The following RORB variants were observed in gnomAD, a reference collection of about 807,000 sequenced individuals.
RORB encodes the protein nuclear receptor ROR-beta.
In RORB, 6 loss-of-function variants were observed where a neutral mutation model predicts 59.1. The observed-to-expected ratio is 0.10, with a 90% confidence interval of 0.06 to 0.20. RORB has a LOEUF of 0.20. RORB is among the 10% of genes least tolerant of loss of function. The pLI is 1.00. For missense variants in RORB, 320 were observed against 560.5 expected, an observed-to-expected ratio of 0.57 and a Z score of 4.33; for synonymous variants, 215 against 204.5, an observed-to-expected ratio of 1.05 and a Z score of -0.44.
rs112600471 is a variant in RORB, at chr9:74,593,546, T to C, written c.8-36736T>C. On this transcript the variant is annotated intron_variant, in intron 1 of 9. Coordinates refer to ENST00000376896, the MANE Select transcript of RORB (RefSeq NM_006914.4). ...GGTAGCAAAGTTCATTCCTAAAGCT[T>C]ATCACTCTTCCATGATGTAAAATCA... Among the ~76,000 whole-genome samples, 578 of 152,144 alleles carry C rather than the reference T, an allele frequency of 3.8e-3. 5 individuals carry two copies. The highest frequency in any genetic ancestry group is 0.013 in the African/African-American group (529 of 41,508).
At chr9:74,590,684 A>C (rs1015352266) in intron 1 of RORB, among the ~76,000 whole-genome samples, 1 of 152,230 alleles carries the variant, frequency 6.6e-6, no homozygotes, top group East Asian at 1.9e-4. Context: ...CAAGGCCCCA[A>C]GGGGGATTTT....
intron 1 of RORB, among the ~76,000 whole-genome samples, chr9:74,563,086 C>T (rs1387161044): frequency 2.0e-5 from 3 of 152,060 alleles, no homozygotes; most frequent in Non-Finnish European, 2.9e-5. Context: ...TATATTTCAC[C>T]TACTTTCCCA....
At chr9:74,676,575 C>G (rs1824445313) in intron 9 of RORB, among the ~76,000 whole-genome samples, 1 of 152,238 alleles carries the variant, frequency 6.6e-6, no homozygotes, top group Non-Finnish European at 1.5e-5. Flanking sequence ...TACATGCAAG[C>G]TTTCCAGGAA....
intron 9 of RORB, among the ~76,000 whole-genome samples, chr9:74,680,804 T>C (rs1240948272): frequency 6.6e-6 from 1 of 152,204 alleles, no homozygotes; most frequent in Non-Finnish European, 1.5e-5. Flanking sequence ...CTTCCTGCTT[T>C]AGGCTGGAGG....
intron 4 of RORB, among the ~76,000 whole-genome samples, chr9:74,653,475 C>T (rs1824028433): frequency 6.6e-6 from 1 of 151,474 alleles, no homozygotes; most frequent in African/African-American, 2.4e-5. Flanking sequence ...AAAAAAAGTC[C>T]CTTGTGGAGA....
At chr9:74,645,872 T>G (rs1352221677) in intron 4 of RORB, among the ~76,000 whole-genome samples, 1 of 152,138 alleles carries the variant, frequency 6.6e-6, no homozygotes, top group African/African-American at 2.4e-5. Flanking sequence ...CTCCCACCAA[T>G]GGCAGCTCCT....
At chr9:74,540,024 G>A (rs1458409009) in intron 1 of RORB, among the ~76,000 whole-genome samples, 4 of 152,088 alleles carry the variant, frequency 2.6e-5, no homozygotes, top group African/African-American at 7.2e-5. Context: ...TTTTCAGTGT[G>A]ATAGAGAGGG....
intron 4 of RORB, among the ~76,000 whole-genome samples, chr9:74,651,474 G>T (rs1382410984): frequency 2.0e-5 from 3 of 151,770 alleles, no homozygotes; most frequent in Non-Finnish European, 4.4e-5. Context: ...GGCAGAGGTT[G>T]CAGTGAGCCA....
intron 1 of RORB, among the ~76,000 whole-genome samples, chr9:74,502,069 C>T (rs1032170793): frequency 1.3e-5 from 2 of 152,072 alleles, no homozygotes; most frequent in Non-Finnish European, 2.9e-5. Flanking sequence ...TTATTTTATA[C>T]TCTTAACCAA....
At chr9:74,517,631 G>C (rs894451263) in intron 1 of RORB, among the ~76,000 whole-genome samples, 4 of 151,750 alleles carry the variant, frequency 2.6e-5, no homozygotes, top group African/African-American at 9.7e-5. Flanking sequence ...TTTTAAAAAG[G>C]GTAGCCCCAT....
At chr9:74,668,251 G>A (rs1824298072) in intron 8 of RORB, among the ~76,000 whole-genome samples, 2 of 152,222 alleles carry the variant, frequency 1.3e-5, no homozygotes, top group South Asian at 4.1e-4. Context: ...TGTCCAGTTG[G>A]ATGAGACACA....
intron 1 of RORB, among the ~76,000 whole-genome samples, chr9:74,574,511 A>G (rs1822601182): frequency 6.6e-6 from 1 of 152,108 alleles, no homozygotes; most frequent in Admixed American, 6.6e-5. Flanking sequence ...AAGGAGCTCT[A>G]AAAAATAAAT....
At chr9:74,502,215 T>G (rs1037597518) in intron 1 of RORB, among the ~76,000 whole-genome samples, 23 of 152,256 alleles carry the variant, frequency 1.5e-4, no homozygotes, top group Non-Finnish European at 2.6e-4. Context: ...CCATGAAACC[T>G]AATTTTACAG....
chr9:74,578,426 G>T (rs1299887607), intron 1 of RORB, among the ~76,000 whole-genome samples: 1 of 152,038 alleles, frequency 6.6e-6, no homozygotes, highest in Non-Finnish European at 1.5e-5. Context: ...AGTATGTTTA[G>T]GTTTAGGGAA....
rs1051690868 is a variant in RORB at position 74,648,944 on chromosome 9, A to G, written c.637+6129A>G. Among the ~76,000 whole-genome samples, 23 of 151,716 alleles carry G rather than the reference A, an allele frequency of 1.5e-4. 1 individual carries two copies. Among genetic ancestry groups the G allele is most frequent in the Admixed American group, 5.9e-4 (9 of 15,208 alleles). Reference sequence around the variant, plus strand: ...CAAGCTCCTCTTGAAGAAAAAGCAAATATGTTCATAAAATGAAGATAGGTT... The same window carrying G: ...CAAGCTCCTCTTGAAGAAAAAGCAAGTATGTTCATAAAATGAAGATAGGTT... On this transcript the variant is annotated intron_variant, in intron 4 of 9. Coordinates refer to ENST00000376896, the MANE Select transcript of RORB (RefSeq NM_006914.4).
chr9:74,665,358 G>A, intron 6 of RORB, 130 bp from the exon 7 acceptor site: 1 of 462,900 alleles, frequency 2.2e-6, no homozygotes, highest in Non-Finnish European at 3.8e-6. Flanking sequence ...GCCTGTGTGT[G>A]TGTGTATGTG....
rs149203734 is a variant in RORB at position 74,524,807 on chromosome 9, G to T, written c.7+26824G>T. The stretch of plus-strand genomic sequence containing the variant: ...ATAAAAGTATTATATAGCCTGCAAA[G>T]ATCACATCTGGAAGCCTGGTTTTTC... On this transcript the variant is annotated intron_variant, in intron 1 of 9. Coordinates refer to ENST00000376896, the MANE Select transcript of RORB (RefSeq NM_006914.4). Among the ~76,000 whole-genome samples, 6 of 151,880 alleles carry T rather than the reference G, an allele frequency of 4.0e-5. No individual in the cohort carries two copies. In the East Asian group the frequency reaches 9.7e-4, roughly 25 times the overall value.
chr9:74,673,618 G>A (rs781745603), intron 9 of RORB, among the ~76,000 whole-genome samples: 1 of 152,128 alleles, frequency 6.6e-6, no homozygotes, highest in Non-Finnish European at 1.5e-5. Flanking sequence ...TGTGAGGTAG[G>A]AAGAAGGCAG....
intron 1 of RORB, among the ~76,000 whole-genome samples, chr9:74,602,382 G>A (rs1823079544): frequency 6.6e-6 from 1 of 152,206 alleles, no homozygotes; most frequent in Admixed American, 6.5e-5. Flanking sequence ...TGTTAAAGAT[G>A]CATGCATGAT....
Sources: gnomAD v4.1 joint callset for allele counts (sites outside exome capture counted in the v4.1 genomes callset) on GRCh38, gnomAD v4.1.1 for gene constraint, MANE v1.5 for transcripts, NCBI Gene and HGNC (gene_info 2026-07-23, HGNC 2026-07-21) for gene names.